The following TNC variants were observed in gnomAD, a reference collection of about 807,000 sequenced individuals.
The protein encoded by TNC is tenascin C, also known as tenascin.
A neutral mutation model predicts 202.4 loss-of-function variants in TNC; 109 were observed. That is an observed-to-expected ratio of 0.54 (90% CI 0.46 to 0.63). The LOEUF is 0.63. TNC is among the 30% of genes least tolerant of loss of function. The pLI is 0.00. For synonymous variants in TNC, 1,007 were observed against 1,089.7 expected (o/e 0.92, Z 1.50); for missense variants, 2,756 against 2,833.3 (o/e 0.97, Z 0.62).
chr9:115,028,850 G>A (rs1319980559), intron 25 of TNC, among the ~76,000 whole-genome samples: 1 of 136,548 alleles, frequency 7.3e-6, no homozygotes, highest in African/African-American at 2.8e-5. Flanking sequence ...TGCAACATGT[G>A]GATTCAGTAA....
At chr9:115,041,304 A>AGCGGGGGG (rs369968281) in intron 18 of TNC, among the ~76,000 whole-genome samples, 57 of 106,806 alleles carry the variant, frequency 5.3e-4, no homozygotes, top group South Asian at 1.1e-3. Context: ...CAAAGCCAGG[A>AGCGGGGGG]GGGGCGGGGG....
At chr9:115,077,829 C>A in intron 7 of TNC, 114 bp downstream of exon 7, 3 of 1,063,090 alleles carry the variant, frequency 2.8e-6, no homozygotes, top group Non-Finnish European at 4.0e-6. Flanking sequence ...GTAGAAATAC[C>A]CCTTTCATTT....
chr9:115,077,810 T>G, intron 7 of TNC, 133 bp downstream of exon 7: 1 of 926,448 alleles, frequency 1.1e-6, no homozygotes, highest in Non-Finnish European at 1.5e-6. Flanking sequence ...TATTTTAAAA[T>G]TTACAGGAGT....
chr9:115,027,665 T>A (rs1288853015), intron 25 of TNC, among the ~76,000 whole-genome samples: 1 of 152,188 alleles, frequency 6.6e-6, no homozygotes, highest in East Asian at 1.9e-4. Context: ...TATAGATAAA[T>A]GTTTATTATA....
At chr9:115,071,819 C>T (rs1036018993) in intron 10 of TNC, among the ~76,000 whole-genome samples, 3 of 152,326 alleles carry the variant, frequency 2.0e-5, no homozygotes, top group Non-Finnish European at 4.4e-5. Context: ...TGCCCCTTGA[C>T]ACTTTATAAC....
chr9:115,024,986 C>A (rs1215712217), intron 26 of TNC, among the ~76,000 whole-genome samples: 1 of 152,184 alleles, frequency 6.6e-6, no homozygotes, highest in African/African-American at 2.4e-5. Flanking sequence ...ACCTTTTTAA[C>A]TGATGATGCT....
chr9:115,117,061 C>T (rs149951008), intron 1 of TNC, among the ~76,000 whole-genome samples: 2,168 of 152,258 alleles, frequency 0.014, 56 homozygotes, highest in African/African-American at 0.048. Context: ...CGACAGCAGA[C>T]GCTATTGTCC....
intron 19 of TNC, 45 bp downstream of exon 19, chr9:115,040,896 G>A: frequency 6.6e-7 from 1 of 1,511,872 alleles, no homozygotes; most frequent in Non-Finnish European, 8.9e-7. Flanking sequence ...AGTGACCTCT[G>A]AAAAATAGTA....
intron 7 of TNC, among the ~76,000 whole-genome samples, chr9:115,077,731 C>T (rs1833984652): frequency 6.6e-6 from 1 of 152,162 alleles, no homozygotes; most frequent in African/African-American, 2.4e-5. Context: ...ATATGTCCCC[C>T]ACCCCCAAAA....
chr9:115,070,513 G>A (rs1202821403), intron 10 of TNC, among the ~76,000 whole-genome samples: 1 of 152,252 alleles, frequency 6.6e-6, no homozygotes, highest in Non-Finnish European at 1.5e-5. Context: ...CCATGGCTGG[G>A]TCTTTGGGCG....
intron 22 of TNC, among the ~76,000 whole-genome samples, chr9:115,033,256 A>G (rs1830078423): frequency 6.6e-6 from 1 of 152,182 alleles, no homozygotes; most frequent in South Asian, 2.1e-4. Flanking sequence ...TGGTGAATGG[A>G]CATGCAGAAA....
intron 13 of TNC, among the ~76,000 whole-genome samples, chr9:115,062,673 AC>A (rs1331632178): frequency 6.6e-6 from 1 of 151,246 alleles, no homozygotes; most frequent in Admixed American, 6.6e-5. Context: ...ACACACACAC[AC>A]TATATATATA....
At chr9:115,094,815 CTCTGTGTGTGTGTGTGTGTGTGTGTGTG>C (rs1279775180) in intron 1 of TNC, among the ~76,000 whole-genome samples, 1 of 125,230 alleles carries the variant, frequency 8.0e-6, no homozygotes, top group Admixed American at 8.0e-5. Context: ...GAACAAGTGC[CTCTGTGTGTGTGTGTGTGTGTGTGTGTG>C]TGTGTGTGTG....
chr9:115,068,510 A>C lies in TNC; in HGVS notation c.3215-3591T>G, dbSNP rs776101375. 2.0e-5 allele frequency among the ~76,000 whole-genome samples: 3 copies of C among 152,210 alleles called. 1 individual carries two copies. Among genetic ancestry groups the C allele is most frequent in the Non-Finnish European group, 4.4e-5 (3 of 68,038 alleles). ...GGGCATGGTCACATCCAAGCCTGAC[A>C]ACCCCAAAGGGTATCTTCAGTCGCT... On this transcript the variant is annotated intron_variant, in intron 10 of 27. Coordinates refer to ENST00000350763, the MANE Select transcript of TNC (RefSeq NM_002160.4).
At chr9:115,038,751 A>T (rs1384583400) in intron 19 of TNC, among the ~76,000 whole-genome samples, 1 of 152,246 alleles carries the variant, frequency 6.6e-6, no homozygotes, top group Non-Finnish European at 1.5e-5. Context: ...CCAGAGAAAG[A>T]ACTTACACAG....
chr9:115,069,551 C>T (rs1359505638), intron 10 of TNC, among the ~76,000 whole-genome samples: 1 of 150,548 alleles, frequency 6.6e-6, no homozygotes, highest in African/African-American at 2.4e-5. Context: ...TAAATGCCAA[C>T]AGACACGGTA....
chr9:115,052,957 G>A (rs1564443412), intron 15 of TNC: 1 of 702,584 alleles, frequency 1.4e-6, no homozygotes, highest in Non-Finnish European at 2.6e-6. Context: ...TCCATGACAT[G>A]TTGAAGCTTT....
At position 115,023,892 on chromosome 9, in the gene TNC, A is replaced by C. The variant is rs144280565; in HGVS notation, c.6495+81T>G. 366 of 1,483,108 alleles carry C rather than the reference A, an allele frequency of 2.5e-4. 2 individuals are homozygous for C. The African/African-American group carries it at 4.5e-3, about 18-fold the overall frequency. 91.9% of individuals were successfully genotyped at this position (1,483,108 alleles called of 1,614,324 possible). A position where few individuals can be genotyped will look rare whatever the true frequency, so the allele number is the denominator to read the frequency against. On this transcript the variant is annotated intron_variant, in intron 27 of 27. Coordinates refer to ENST00000350763, the MANE Select transcript of TNC (RefSeq NM_002160.4). ...TTCCTGCCTCCTAGTCTCTGCTAGG[A>C]TAGGGAGTTAAATTGTACTTCCATT...
chr9:115,059,795 C>G lies in TNC; in HGVS notation c.4241G>C (p.Arg1414Thr), dbSNP rs372126728. ...IPGLEAATPY[R>T]VSIYGVIRGY... ...CCGGATCACCCCATAGATGGAGACT[C>G]TATAAGGCGTGGCAGCCTCGAGGCC... The change falls in exon 14 of 28, where the codon AGA (arginine) becomes ACA (threonine). Residue 1414 changes from arginine to threonine, a missense_variant. By Grantham distance (71) the Arg-to-Thr change is moderately conservative. Transcript: ENST00000350763. 5.0e-6 allele frequency: 8 copies of G among 1,614,056 alleles called. No individual in the cohort carries two copies. Among genetic ancestry groups the G allele is most frequent in the East Asian group, 2.2e-5 (1 of 44,874 alleles).
Sources: gnomAD v4.1 joint callset for allele counts (sites outside exome capture counted in the v4.1 genomes callset) on GRCh38, gnomAD v4.1.1 for gene constraint, MANE v1.5 for transcripts, NCBI Gene and HGNC (gene_info 2026-07-23, HGNC 2026-07-21) for gene names.